MND1: variants seen among roughly 807,000 people sequenced by gnomAD.
The protein encoded by MND1 is meiotic nuclear divisions 1.
A neutral mutation model predicts 35.1 loss-of-function variants in MND1; 28 were observed. The observed-to-expected ratio is 0.80, with a 90% CI of 0.59 to 1.09. The LOEUF is 1.09. Among genes scored for constraint, MND1 ranks in the 50% least tolerant of loss-of-function variants. The probability of loss-of-function intolerance (pLI) is 0.00; values close to 1 mark genes in which losing one functional copy is unlikely to be tolerated. For synonymous variants in MND1, 69 were observed against 70.5 expected (o/e 0.98, Z 0.11); for missense variants, 213 against 239.6 (o/e 0.89, Z 0.73).
chr4:153,379,815 A>T (rs138577682), intron 4 of MND1, among the ~76,000 whole-genome samples: 59 of 140,418 alleles, frequency 4.2e-4, no homozygotes, highest in African/African-American at 1.4e-3. Flanking sequence ...ACACCACTGC[A>T]CTTCAGCCTG....
chr4:153,401,221 A>G (rs1729339384), intron 6 of MND1, among the ~76,000 whole-genome samples: 1 of 152,172 alleles, frequency 6.6e-6, no homozygotes, highest in Admixed American at 6.5e-5. Context: ...TGGACAGCAT[A>G]TGGAGTCCTT....
At chr4:153,378,580 G>A (rs1252247844) in intron 4 of MND1, among the ~76,000 whole-genome samples, 1 of 152,134 alleles carries the variant, frequency 6.6e-6, no homozygotes, top group Admixed American at 6.5e-5. Context: ...GGTGATCCAT[G>A]GAATACACTT....
intron 2 of MND1, among the ~76,000 whole-genome samples, chr4:153,354,344 G>A (rs542967614): frequency 2.6e-5 from 4 of 152,182 alleles, no homozygotes; most frequent in South Asian, 2.1e-4. Flanking sequence ...TGCCTGTTTC[G>A]CTTTTAGTTA....
At position 153,397,309 on chromosome 4, in the gene MND1, G is replaced by C. The variant is rs776934839; in HGVS notation, c.442G>C (p.Asp148His). 13 of 1,611,990 alleles carry C rather than the reference G, an allele frequency of 8.1e-6. No homozygotes were observed. The highest frequency in any genetic ancestry group is 1.0e-5 in the Non-Finnish European group (12 of 1,178,854). ...AGAAGTAGAAAAATACAAAGACTGT[G>C]ATCCGCAAGTTGTGGAAGAAATACG... ...KAEVEKYKDC[D>H]PQVVEEIRQA... The change falls in exon 6 of 8, where the codon GAT (aspartate) becomes CAT (histidine). Residue 148 changes from aspartate (D) to histidine (H), a missense_variant. Physicochemically the swap from Asp to His is moderately conservative, Grantham distance 81. Transcript: ENST00000240488.
chr4:153,403,350 G>A (rs547083307), intron 6 of MND1, among the ~76,000 whole-genome samples: 13 of 152,264 alleles, frequency 8.5e-5, no homozygotes, highest in Admixed American at 3.9e-4. Context: ...AACGCATGTC[G>A]CAGCACATGC....
At chr4:153,352,830 A>C (rs1278125772) in intron 2 of MND1, among the ~76,000 whole-genome samples, 1 of 151,250 alleles carries the variant, frequency 6.6e-6, no homozygotes, top group Non-Finnish European at 1.5e-5. Context: ...TTCTTTTTAC[A>C]CTTTCTTCAT....
chr4:153,348,567 A>G (rs1298054173), intron 1 of MND1, among the ~76,000 whole-genome samples: 2 of 152,240 alleles, frequency 1.3e-5, no homozygotes, highest in African/African-American at 4.8e-5. Context: ...AGAGAAAAAT[A>G]TAAACTTTAA....
At chr4:153,414,285 C>CT (rs72529287) in intron 7 of MND1, among the ~76,000 whole-genome samples, 2,632 of 147,434 alleles carry the variant, frequency 0.018, 51 homozygotes, top group East Asian at 0.077. Context: ...TATTTAAATA[C>CT]TTTTTTTTTT....
chr4:153,355,517 C>T, intron 2 of MND1, 137 bp from the exon 3 acceptor site: 4 of 605,898 alleles, frequency 6.6e-6, no homozygotes, highest in South Asian at 2.0e-5. Context: ...ACATTGTATA[C>T]CTATATCAAA....
intron 7 of MND1, among the ~76,000 whole-genome samples, chr4:153,411,638 C>A (rs1198187876): frequency 6.6e-6 from 1 of 151,998 alleles, no homozygotes; most frequent in Non-Finnish European, 1.5e-5. Flanking sequence ...ATCAGGAAAT[C>A]CTTCCTGTAG....
At chr4:153,381,688 ATATATTTTTTTTTTTTTT>A (rs1175592373) in intron 4 of MND1, 257 of 24,410 alleles carry the variant, frequency 0.011, 9 homozygotes, top group African/African-American at 0.037. Context: ...ATATATATAT[ATATATTTTTTTTTTTTTT>A]TTTTTTTTTT....
At chr4:153,346,880 C>T (rs1345036379) in intron 1 of MND1, among the ~76,000 whole-genome samples, 1 of 152,176 alleles carries the variant, frequency 6.6e-6, no homozygotes, top group East Asian at 1.9e-4. Context: ...GCTAGTGCAG[C>T]GACACACTGA....
At chr4:153,369,829 T>G (rs542487825) in intron 4 of MND1, among the ~76,000 whole-genome samples, 1 of 152,270 alleles carries the variant, frequency 6.6e-6, no homozygotes, top group South Asian at 2.1e-4. Context: ...AACAGAACTT[T>G]GAAAATTAGA....
chr4:153,404,173 T>TC (rs1729421876), intron 6 of MND1, among the ~76,000 whole-genome samples: 1 of 139,058 alleles, frequency 7.2e-6, no homozygotes, highest in South Asian at 2.4e-4. Flanking sequence ...AAAAATTGGT[T>TC]CTTTTTTTTT....
chr4:153,404,778 C>G (rs750392898), intron 6 of MND1, among the ~76,000 whole-genome samples: 6 of 152,044 alleles, frequency 3.9e-5, no homozygotes, highest in Non-Finnish European at 8.8e-5. Flanking sequence ...CACACCTGGC[C>G]CAAAAATTCG....
At chr4:153,349,419 T>A (rs1358264808) in intron 1 of MND1, among the ~76,000 whole-genome samples, 1 of 152,184 alleles carries the variant, frequency 6.6e-6, no homozygotes, top group Non-Finnish European at 1.5e-5. Context: ...CAGCTCCTCA[T>A]TGTCTAGAAT....
intron 4 of MND1, among the ~76,000 whole-genome samples, chr4:153,367,053 G>A (rs1223796968): frequency 6.6e-6 from 1 of 152,102 alleles, no homozygotes; most frequent in East Asian, 1.9e-4. Flanking sequence ...CCAGAGTTGG[G>A]TGGAATGGAA....
intron 4 of MND1, among the ~76,000 whole-genome samples, chr4:153,393,779 C>A (rs10517571): frequency 0.54 from 81,344 of 151,112 alleles, 23,698 homozygotes; most frequent in African/African-American, 0.79. Flanking sequence ...TAAAGGCATG[C>A]TATTCGTTTT....
At chr4:153,360,900 C>T (rs1358248851) in intron 4 of MND1, among the ~76,000 whole-genome samples, 3 of 152,050 alleles carry the variant, frequency 2.0e-5, no homozygotes, top group East Asian at 1.9e-4. Context: ...AGTGTAGTGT[C>T]GCAAACATGG....
Sources: allele counts gnomAD v4.1 joint callset (sites outside exome capture counted in the v4.1 genomes callset), GRCh38; gene constraint gnomAD v4.1.1; transcripts MANE v1.5; gene names NCBI Gene and HGNC (gene_info 2026-07-23, HGNC 2026-07-21).